The following CHSY3 variants were observed in gnomAD, a reference collection of about 807,000 sequenced individuals.
The protein encoded by CHSY3 is N-acetylgalactosaminyl-proteoglycan 3-beta-glucuronosyltransferase 3.
In CHSY3, 35 loss-of-function variants were observed where a neutral mutation model predicts 67.2. The ratio of observed to expected loss-of-function variants is 0.52; its 90% confidence interval spans 0.40 to 0.69. CHSY3 has a LOEUF of 0.69. CHSY3 is among the 30% of genes least tolerant of loss of function. CHSY3 has a pLI of 0.00. For synonymous variants in CHSY3, 474 were observed against 434.7 expected (o/e 1.09, Z -1.12); for missense variants, 1,069 against 1,138.5 (o/e 0.94, Z 0.88).
chr5:129,905,714 C>T, intron 1 of CHSY3, 83 bp downstream of exon 1: 1 of 1,544,502 alleles, frequency 6.5e-7, no homozygotes, highest in Non-Finnish European at 8.7e-7. Flanking sequence ...TGCCCAGCCC[C>T]TCCGCTGCTT....
At chr5:130,010,988 C>A (rs956315947) in intron 2 of CHSY3, among the ~76,000 whole-genome samples, 1 of 152,046 alleles carries the variant, frequency 6.6e-6, no homozygotes, top group African/African-American at 2.4e-5. Flanking sequence ...AACAAAACAC[C>A]TACCAACAAC....
chr5:129,924,744 C>A (rs1451321267), intron 2 of CHSY3, among the ~76,000 whole-genome samples: 3 of 151,568 alleles, frequency 2.0e-5, no homozygotes, highest in Admixed American at 2.0e-4. Flanking sequence ...TGCTGCCTAG[C>A]ATTTCAAACC....
chr5:130,032,871 G>T (rs1299126716), intron 2 of CHSY3, among the ~76,000 whole-genome samples: 1 of 152,116 alleles, frequency 6.6e-6, no homozygotes, highest in African/African-American at 2.4e-5. Flanking sequence ...TTGGGCCAGG[G>T]AAGCCATTAG....
intron 2 of CHSY3, among the ~76,000 whole-genome samples, chr5:129,987,910 G>A (rs1282600740): frequency 6.6e-6 from 1 of 152,092 alleles, no homozygotes; most frequent in African/African-American, 2.4e-5. Context: ...TTACCATGAA[G>A]ATCATATTAT....
intron 2 of CHSY3, among the ~76,000 whole-genome samples, chr5:130,113,824 C>G (rs768778752): frequency 7.9e-5 from 12 of 152,136 alleles, no homozygotes; most frequent in Non-Finnish European, 1.2e-4. Flanking sequence ...AAAATATGCT[C>G]CATCCAAAAA....
chr5:130,070,450 A>G (rs1423365493), intron 2 of CHSY3, among the ~76,000 whole-genome samples: 1 of 152,124 alleles, frequency 6.6e-6, no homozygotes, highest in Non-Finnish European at 1.5e-5. Context: ...AAATGAATCC[A>G]CCACGTCCAG....
intron 2 of CHSY3, among the ~76,000 whole-genome samples, chr5:130,046,493 A>G (rs1347083476): frequency 6.6e-6 from 1 of 152,132 alleles, no homozygotes; most frequent in African/African-American, 2.4e-5. Flanking sequence ...GATTATCTCA[A>G]ATATCTGGTG....
chr5:130,050,916 G>A (rs1228977357), intron 2 of CHSY3, among the ~76,000 whole-genome samples: 1 of 152,018 alleles, frequency 6.6e-6, no homozygotes, highest in African/African-American at 2.4e-5. Context: ...TAATGATTGT[G>A]TTAATTGTTA....
chr5:129,947,325 A>G (rs1561467645), intron 2 of CHSY3, among the ~76,000 whole-genome samples: 1 of 152,050 alleles, frequency 6.6e-6, no homozygotes, highest in Non-Finnish European at 1.5e-5. Flanking sequence ...GGGAACTACA[A>G]TTCAAGACGA....
intron 2 of CHSY3, among the ~76,000 whole-genome samples, chr5:130,171,507 C>A (rs144930462): frequency 1.3e-5 from 2 of 152,120 alleles, no homozygotes; most frequent in Admixed American, 6.6e-5. Flanking sequence ...CCAGAATATA[C>A]TCTGCTGAGA....
At chr5:130,061,340 A>G (rs374474617) in intron 2 of CHSY3, among the ~76,000 whole-genome samples, 30 of 152,230 alleles carry the variant, frequency 2.0e-4, no homozygotes, top group East Asian at 9.7e-4. Flanking sequence ...AAATGGTGCT[A>G]GAAAAATAGG....
chr5:130,051,464 C>T (rs1765355291), intron 2 of CHSY3, among the ~76,000 whole-genome samples: 1 of 151,992 alleles, frequency 6.6e-6, no homozygotes, highest in Non-Finnish European at 1.5e-5. Flanking sequence ...GCCTGCAGTG[C>T]TCACAATGTA....
At chr5:129,921,544 G>A (rs887390828) in intron 2 of CHSY3, among the ~76,000 whole-genome samples, 2 of 152,136 alleles carry the variant, frequency 1.3e-5, no homozygotes, top group African/African-American at 4.8e-5. Flanking sequence ...GATGAGTACA[G>A]GTAACTGAAA....
intron 2 of CHSY3, among the ~76,000 whole-genome samples, chr5:130,150,078 T>G (rs1341259517): frequency 6.6e-6 from 1 of 152,200 alleles, no homozygotes; most frequent in Non-Finnish European, 1.5e-5. Context: ...TTTTAAAATA[T>G]TTTCCAAATT....
intron 2 of CHSY3, among the ~76,000 whole-genome samples, chr5:130,097,628 A>C (rs374750822): frequency 9.8e-5 from 15 of 152,352 alleles, no homozygotes; most frequent in Admixed American, 6.5e-4. Flanking sequence ...ATTAAGTGTA[A>C]CTACGTGTTA....
At chr5:130,154,988 T>G (rs1197830410) in intron 2 of CHSY3, among the ~76,000 whole-genome samples, 1 of 152,194 alleles carries the variant, frequency 6.6e-6, no homozygotes, top group African/African-American at 2.4e-5. Context: ...AACACACTCT[T>G]CGATGATGAC....
At chr5:130,141,134 G>A in intron 2 of CHSY3, 1 of 362,392 alleles carries the variant, frequency 2.8e-6, no homozygotes. Flanking sequence ...TGTTGTTTAT[G>A]GTACAGCTGT....
chr5:130,142,108 A>T (rs1768886712), intron 2 of CHSY3, among the ~76,000 whole-genome samples: 1 of 152,218 alleles, frequency 6.6e-6, no homozygotes, highest in African/African-American at 2.4e-5. Flanking sequence ...CAGGGGAGGT[A>T]CATAACTTTG....
intron 2 of CHSY3, among the ~76,000 whole-genome samples, chr5:130,010,369 G>C (rs901990276): frequency 1.3e-5 from 2 of 152,192 alleles, no homozygotes; most frequent in South Asian, 4.1e-4. Context: ...TAAACAACCT[G>C]TTCCTGAAGG....
Sources: allele counts gnomAD v4.1 joint callset (sites outside exome capture counted in the v4.1 genomes callset), GRCh38; gene constraint gnomAD v4.1.1; transcripts MANE v1.5; gene names NCBI Gene and HGNC (gene_info 2026-07-23, HGNC 2026-07-21).